Variants in HTR2A observed in about 807,000 individuals in gnomAD.
HTR2A encodes 5-hydroxytryptamine receptor 2A, also known as 5-HT2 receptor.
In HTR2A, 14 loss-of-function variants were observed where a neutral mutation model predicts 31.0. The observed-to-expected ratio is 0.45, with a 90% confidence interval of 0.30 to 0.71. HTR2A has a LOEUF of 0.71. HTR2A is among the 30% of genes least tolerant of loss of function. HTR2A has a pLI of 0.09. For synonymous variants in HTR2A, 209 were observed against 225.2 expected (o/e 0.93, Z 0.64); for missense variants, 442 against 573.3 (o/e 0.77, Z 2.34).
chr13:46,869,989 A>C (rs1166072797), intron 3 of HTR2A, among the ~76,000 whole-genome samples: 1 of 152,158 alleles, frequency 6.6e-6, no homozygotes, highest in Non-Finnish European at 1.5e-5. Context: ...ATGGTAGCAC[A>C]AGATTGTGAA....
chr13:46,862,928 T>G (rs1950791361), intron 3 of HTR2A, among the ~76,000 whole-genome samples: 1 of 152,226 alleles, frequency 6.6e-6, no homozygotes, highest in Non-Finnish European at 1.5e-5. Flanking sequence ...AATCACTAAT[T>G]GTAAAACATT....
chr13:46,869,573 G>C (rs868770424), intron 3 of HTR2A, among the ~76,000 whole-genome samples: 2 of 151,942 alleles, frequency 1.3e-5, no homozygotes, highest in South Asian at 4.1e-4. Context: ...TCCACTCCTA[G>C]GTATATTCCC....
chr13:46,881,091 C>T (rs1950958147), intron 3 of HTR2A, among the ~76,000 whole-genome samples: 1 of 152,170 alleles, frequency 6.6e-6, no homozygotes, highest in Non-Finnish European at 1.5e-5. Flanking sequence ...CGAAGGACAA[C>T]CGAGGACATG....
intron 3 of HTR2A, among the ~76,000 whole-genome samples, chr13:46,840,878 T>C (rs183671863): frequency 6.6e-6 from 1 of 152,264 alleles, no homozygotes; most frequent in South Asian, 2.1e-4. Context: ...ATTACACCAA[T>C]TGATATGGTT....
intron 3 of HTR2A, among the ~76,000 whole-genome samples, chr13:46,854,655 G>C (rs1950717696): frequency 6.6e-6 from 1 of 152,118 alleles, no homozygotes; most frequent in African/African-American, 2.4e-5. Context: ...AAGTTGCCCT[G>C]GGGTTGTAAG....
chr13:46,869,301 A>C (rs1950845807), intron 3 of HTR2A, among the ~76,000 whole-genome samples: 2 of 152,190 alleles, frequency 1.3e-5, no homozygotes, highest in South Asian at 2.1e-4. Flanking sequence ...TTCAAAGAAG[A>C]CATTACAAAT....
At chr13:46,852,934 A>G (rs895406250) in intron 3 of HTR2A, among the ~76,000 whole-genome samples, 5 of 151,636 alleles carry the variant, frequency 3.3e-5, no homozygotes, top group African/African-American at 1.2e-4. Context: ...ATTTTTATCT[A>G]CTTAGGTCTT....
chr13:46,845,643 C>A (rs1366787495), intron 3 of HTR2A, among the ~76,000 whole-genome samples: 319 of 112,726 alleles, frequency 2.8e-3, no homozygotes, highest in Middle Eastern at 5.1e-3. Flanking sequence ...TTCATCACTC[C>A]AAAAAAAAAA....
chr13:46,847,710 C>G (rs188534984), intron 3 of HTR2A, among the ~76,000 whole-genome samples: 2 of 152,296 alleles, frequency 1.3e-5, no homozygotes. Context: ...TCCTGATCAG[C>G]TGACACTATT....
intron 3 of HTR2A, among the ~76,000 whole-genome samples, chr13:46,865,476 A>G (rs1310229200): frequency 6.6e-6 from 1 of 152,228 alleles, no homozygotes; most frequent in Non-Finnish European, 1.5e-5. Flanking sequence ...TCCTAGCAAC[A>G]GCCTGCAATA....
chr13:46,897,035 G>T lies in HTR2A; in HGVS notation c.-690C>A. ...GCACCAAGGGACTCCTGGTTTCCAC[G>T]GGAATGGAGTAGCTCTCTGACTGTC... On this transcript the variant is annotated 5_prime_UTR_variant, in exon 1 of 4. Coordinates refer to ENST00000542664, the MANE Select transcript of HTR2A (RefSeq NM_000621.5). 1.8e-6 allele frequency: 1 copy of T among 564,616 alleles called. No individual in the cohort carries two copies. Among genetic ancestry groups the T allele is most frequent in the South Asian group, 2.3e-5 (1 of 44,220 alleles). The allele number at this position is 564,616 out of a possible 1,614,324, so 35.0% of individuals were successfully genotyped here.
chr13:46,877,127 G>T (rs924716357), intron 3 of HTR2A, among the ~76,000 whole-genome samples: 22 of 152,190 alleles, frequency 1.4e-4, no homozygotes, highest in Admixed American at 1.4e-3. Flanking sequence ...GACCCATGAG[G>T]CCTCTAGAAG....
At chr13:46,844,760 T>G (rs1440980104) in intron 3 of HTR2A, among the ~76,000 whole-genome samples, 1 of 152,258 alleles carries the variant, frequency 6.6e-6, no homozygotes, top group Non-Finnish European at 1.5e-5. Context: ...CTCCAGACTC[T>G]GTTAATCACT....
chr13:46,895,690 C>A lies in HTR2A; in HGVS notation c.217G>T (p.Glu73Ter). The change falls in exon 2 of 4, where the codon GAA (glutamate) becomes TAA (stop). Residue 73 changes from glutamate to a stop codon, truncating the protein, a stop_gained. Coordinates refer to ENST00000542664, the MANE Select transcript of HTR2A (RefSeq NM_000621.5). LOFTEE classifies it high-confidence loss of function. This position sits in a 1 kb window ranked among gnomAD's most constrained non-coding sequence, Gnocchi z 4.4. The part of the protein sequence containing the change: ...PSCLSLLHLQ[E>*]KNWSALLTAV... ...GTCAGTAAAGCAGACCAGTTTTTTT[C>A]CTGGAGATGAAGTAAGGAGAGACAC... The A allele has an allele frequency of 1.9e-6, 3 of 1,613,934 alleles. No individual in the cohort carries two copies. The highest frequency in any genetic ancestry group is 2.5e-6 in the Non-Finnish European group (3 of 1,179,960).
intron 3 of HTR2A, among the ~76,000 whole-genome samples, chr13:46,849,208 C>T (rs535567372): frequency 1.3e-5 from 2 of 152,314 alleles, no homozygotes; most frequent in South Asian, 4.1e-4. Flanking sequence ...TTGCAAAAGA[C>T]TCACCAGCAT....
intron 3 of HTR2A, chr13:46,852,298 C>G (rs1321543018): frequency 1.3e-5 from 2 of 152,298 alleles, no homozygotes; most frequent in African/African-American, 4.8e-5. Context: ...ATTGCTACAG[C>G]AGCACTAAGG....
chr13:46,894,735 C>G lies in HTR2A; in HGVS notation c.412+760G>C, dbSNP rs1232144980. Among the ~76,000 whole-genome samples, 3 of 152,310 alleles carry G rather than the reference C, an allele frequency of 2.0e-5. No homozygotes were observed. In the East Asian group the frequency reaches 5.8e-4, roughly 29 times the overall value. On this transcript the variant is annotated intron_variant, in intron 2 of 3. Transcript: ENST00000542664. ...CATAATTTGGAAAGAATATCACATT[C>G]TGGTCCCTTGCTGAGAGGTCTGACT...
At chr13:46,892,982 A>G (rs1474043506) in intron 2 of HTR2A, among the ~76,000 whole-genome samples, 1 of 152,166 alleles carries the variant, frequency 6.6e-6, no homozygotes, top group Non-Finnish European at 1.5e-5. Flanking sequence ...ATTTAGTCAC[A>G]TATTTCTCTG....
intron 3 of HTR2A, among the ~76,000 whole-genome samples, chr13:46,862,506 C>T (rs1950787959): frequency 1.3e-5 from 2 of 152,054 alleles, no homozygotes; most frequent in African/African-American, 2.4e-5. Context: ...TTGTATAATC[C>T]ATTTTGGGAT....
Sources: allele counts gnomAD v4.1 joint callset (sites outside exome capture counted in the v4.1 genomes callset), GRCh38; gene constraint gnomAD v4.1.1; non-coding constraint Gnocchi (gnomAD v3.1); transcripts MANE v1.5; gene names NCBI Gene and HGNC (gene_info 2026-07-23, HGNC 2026-07-21).